The following GRIK1 variants were observed in gnomAD, a reference collection of about 807,000 sequenced individuals.
GRIK1 encodes the protein glutamate ionotropic receptor kainate type subunit 1, also known as glutamate receptor ionotropic, kainate 1.
GRIK1 carries 69 observed loss-of-function variants against 105.7 expected under a neutral mutation model. That is an observed-to-expected ratio of 0.65 (90% CI 0.54 to 0.80). The LOEUF (loss-of-function observed/expected upper bound fraction) is 0.80, where lower values mean the gene tolerates loss of function less well. Ranked by LOEUF, GRIK1 falls within the 30% of genes least tolerant of loss-of-function variation. The probability of loss-of-function intolerance (pLI) is 0.00; values close to 1 mark genes in which losing one functional copy is unlikely to be tolerated. For missense variants in GRIK1, 1,109 were observed against 1,167.3 expected, an observed-to-expected ratio of 0.95 and a Z score of 0.73; for synonymous variants, 438 against 431.3, an observed-to-expected ratio of 1.02 and a Z score of -0.19.
intron 7 of GRIK1, among the ~76,000 whole-genome samples, chr21:29,627,485 C>T (rs1422758542): frequency 1.3e-5 from 2 of 152,148 alleles, no homozygotes; most frequent in African/African-American, 2.4e-5. Context: ...GAAAGAGATT[C>T]CCGTGCCCCA....
At chr21:29,814,272 C>T (rs1259285777) in intron 1 of GRIK1, among the ~76,000 whole-genome samples, 2 of 151,640 alleles carry the variant, frequency 1.3e-5, no homozygotes, top group Non-Finnish European at 2.9e-5. Flanking sequence ...TTCTATTTCC[C>T]CTTTTGCTTG....
At chr21:29,681,856 C>A (rs1012316072) in intron 3 of GRIK1, among the ~76,000 whole-genome samples, 2 of 152,146 alleles carry the variant, frequency 1.3e-5, no homozygotes, top group African/African-American at 4.8e-5. Context: ...CAGACTCTGA[C>A]AGCATTAGTG....
intron 1 of GRIK1, among the ~76,000 whole-genome samples, chr21:29,882,559 A>G (rs911796430): frequency 2.0e-5 from 3 of 152,228 alleles, no homozygotes; most frequent in South Asian, 2.1e-4. Flanking sequence ...TGACGCCTGG[A>G]AGAAGCAGCT....
At chr21:29,819,833 T>C (rs1328681180) in intron 1 of GRIK1, among the ~76,000 whole-genome samples, 1 of 152,068 alleles carries the variant, frequency 6.6e-6, no homozygotes, top group Non-Finnish European at 1.5e-5. Context: ...CTGACCCAGA[T>C]GACAGGGACC....
intron 1 of GRIK1, among the ~76,000 whole-genome samples, chr21:29,896,781 TG>T (rs1208280574): frequency 6.6e-6 from 1 of 152,140 alleles, no homozygotes; most frequent in Admixed American, 6.6e-5. Flanking sequence ...ATTGGTGATG[TG>T]GTGGCTGCCT....
intron 7 of GRIK1, chr21:29,630,614 C>T (rs939462107): frequency 4.2e-6 from 2 of 471,062 alleles, no homozygotes; most frequent in African/African-American, 4.0e-5. Flanking sequence ...GGACCTTGAA[C>T]CTAGAATGAG....
At chr21:29,734,180 T>C (rs2064710012) in intron 1 of GRIK1, among the ~76,000 whole-genome samples, 1 of 152,028 alleles carries the variant, frequency 6.6e-6, no homozygotes, top group African/African-American at 2.4e-5. Context: ...AATGCCCCAC[T>C]TCCAAGCACC....
intron 7 of GRIK1, among the ~76,000 whole-genome samples, chr21:29,616,347 C>G (rs753081588): frequency 3.4e-4 from 52 of 152,160 alleles, no homozygotes; most frequent in Non-Finnish European, 1.0e-4. Context: ...TTTCTTTCAG[C>G]TCTAGGGGTC....
At chr21:29,558,805 A>G (rs1227530809) in intron 15 of GRIK1, among the ~76,000 whole-genome samples, 1 of 151,994 alleles carries the variant, frequency 6.6e-6, no homozygotes, top group Non-Finnish European at 1.5e-5. Flanking sequence ...AGCGATTTTC[A>G]AAGTGCTGCA....
At chr21:29,820,592 G>A (rs2067273959) in intron 1 of GRIK1, among the ~76,000 whole-genome samples, 1 of 152,038 alleles carries the variant, frequency 6.6e-6, no homozygotes, top group Non-Finnish European at 1.5e-5. Context: ...CTGCAAGAGA[G>A]TGATGAGCAT....
intron 3 of GRIK1, among the ~76,000 whole-genome samples, chr21:29,678,831 A>C (rs1184801513): frequency 6.6e-6 from 1 of 152,160 alleles, no homozygotes; most frequent in East Asian, 1.9e-4. Context: ...CTTATTTGGC[A>C]CTGACTGTGT....
rs188206593 is a variant in GRIK1, at chr21:29,807,912, A to G, written c.119-113849T>C. On this transcript the variant is annotated intron_variant, in intron 1 of 17. Transcript: ENST00000327783. ...TCCTCCATCTGGAGGCTCAGTTTCC[A>G]TGGTGATATGCACTGGTATACCTGA... 2.0e-5 allele frequency among the ~76,000 whole-genome samples: 3 copies of G among 152,228 alleles called. No homozygotes were observed. In the East Asian group the frequency reaches 5.8e-4, roughly 29 times the overall value.
At chr21:29,738,656 G>A (rs2064854547) in intron 1 of GRIK1, among the ~76,000 whole-genome samples, 1 of 152,146 alleles carries the variant, frequency 6.6e-6, no homozygotes. Context: ...GGTTTCTGTG[G>A]AGGAACTATA....
At chr21:29,808,978 T>C (rs987843355) in intron 1 of GRIK1, among the ~76,000 whole-genome samples, 1 of 152,208 alleles carries the variant, frequency 6.6e-6, no homozygotes, top group Non-Finnish European at 1.5e-5. Flanking sequence ...TATTTAATAA[T>C]TGGCTTTTCT....
chr21:29,723,973 A>G (rs1311527328), intron 1 of GRIK1, among the ~76,000 whole-genome samples: 1 of 152,210 alleles, frequency 6.6e-6, no homozygotes, highest in East Asian at 1.9e-4. Flanking sequence ...TGCACTTTCC[A>G]TTCATGAACC....
chr21:29,789,482 G>A (rs2066352213), intron 1 of GRIK1, among the ~76,000 whole-genome samples: 1 of 152,090 alleles, frequency 6.6e-6, no homozygotes, highest in Non-Finnish European at 1.5e-5. Context: ...TTAACTGTCC[G>A]ATCAAGCCAT....
intron 1 of GRIK1, among the ~76,000 whole-genome samples, chr21:29,831,467 G>A (rs1017216840): frequency 6.6e-6 from 1 of 152,144 alleles, no homozygotes; most frequent in African/African-American, 2.4e-5. Context: ...AAGAAAAAAG[G>A]CTTAATTGAC....
intron 1 of GRIK1, among the ~76,000 whole-genome samples, chr21:29,895,070 A>G (rs1376204350): frequency 6.6e-6 from 1 of 152,174 alleles, no homozygotes; most frequent in Non-Finnish European, 1.5e-5. Flanking sequence ...TGGTGGTGGC[A>G]GGGGGCTCAG....
At chr21:29,923,747 A>G (rs2071263988) in intron 1 of GRIK1, among the ~76,000 whole-genome samples, 1 of 152,232 alleles carries the variant, frequency 6.6e-6, no homozygotes, top group South Asian at 2.1e-4. Context: ...ACAGACTGAC[A>G]AACAACGTTT....
Sources: gnomAD v4.1 joint callset for allele counts (sites outside exome capture counted in the v4.1 genomes callset) on GRCh38, gnomAD v4.1.1 for gene constraint, MANE v1.5 for transcripts, NCBI Gene and HGNC (gene_info 2026-07-23, HGNC 2026-07-21) for gene names.